The following FCRL5 variants were observed in gnomAD, a reference collection of about 807,000 sequenced individuals.
FCRL5 encodes Fc receptor like 5.
A neutral mutation model predicts 92.1 loss-of-function variants in FCRL5; 79 were observed. The observed-to-expected ratio is 0.86, with a 90% CI of 0.72 to 1.03. The LOEUF (loss-of-function observed/expected upper bound fraction) is 1.03. Ranked by LOEUF, FCRL5 falls within the 50% of genes least tolerant of loss-of-function variation. FCRL5 has a pLI of 0.00. For synonymous variants in FCRL5, 466 were observed against 469.3 expected (o/e 0.99, Z 0.09); for missense variants, 1,160 against 1,181.1 (o/e 0.98, Z 0.26).
rs1291571014 is a variant in FCRL5, at chr1:157,544,361, C to T, written c.745G>A (p.Ala249Thr). 1.9e-6 allele frequency: 3 copies of T among 1,614,200 alleles called. No individual in the cohort carries two copies. Among genetic ancestry groups the T allele is most frequent in the Non-Finnish European group, 8.5e-7 (1 of 1,180,032 alleles). ...WSLSPNFQIT[A>T]MWSKDSGFYW... ...AACCCTGAATCTTTACTCCACATGG[C>T]AGTAATCTGGAAATTCGGGGAGAGA... is the stretch of plus-strand genomic sequence containing the variant. The change falls in exon 5 of 17, where the codon GCC becomes ACC. Residue 249 changes from alanine to threonine, a missense_variant. Coordinates refer to ENST00000361835, the MANE Select transcript of FCRL5 (RefSeq NM_031281.3).
chr1:157,518,979 T>C, intron 13 of FCRL5, 197 bp from the exon 14 acceptor site: 2 of 476,446 alleles, frequency 4.2e-6, no homozygotes, highest in Non-Finnish European at 7.4e-6. Flanking sequence ...TCTGGTCATC[T>C]AGTGTGTAAC....
chr1:157,538,678 A>G (rs1352848449), intron 7 of FCRL5, among the ~76,000 whole-genome samples: 1 of 152,214 alleles, frequency 6.6e-6, no homozygotes, highest in African/African-American at 2.4e-5. Context: ...GCATCTGGTT[A>G]TTCATTGATG....
At chr1:157,529,256 T>G (rs946069432) in intron 8 of FCRL5, among the ~76,000 whole-genome samples, 1 of 152,328 alleles carries the variant, frequency 6.6e-6, no homozygotes, top group East Asian at 1.9e-4. Flanking sequence ...GATACCACCT[T>G]ACTCCTGCAA....
At chr1:157,544,580 T>C (rs780288084) in intron 4 of FCRL5, 34 bp from the exon 5 acceptor site, 12 of 1,605,458 alleles carry the variant, frequency 7.5e-6, no homozygotes, top group East Asian at 4.5e-5. Context: ...CCCAGAGCAA[T>C]GAGGCTGGAA....
At chr1:157,527,164 C>T (rs1355478344) in intron 9 of FCRL5, among the ~76,000 whole-genome samples, 1 of 152,164 alleles carries the variant, frequency 6.6e-6, no homozygotes. Context: ...GGTGGGAACC[C>T]AACCCACTCT....
chr1:157,525,187 A>G (rs555661308), intron 9 of FCRL5, among the ~76,000 whole-genome samples: 1 of 152,240 alleles, frequency 6.6e-6, no homozygotes, highest in Non-Finnish European at 1.5e-5. Flanking sequence ...GTAAATTACA[A>G]TTAAAACTTT....
rs149739953 is a variant in FCRL5, at chr1:157,520,847, C to T, written c.2515+170G>A. The stretch of plus-strand genomic sequence containing the variant: ...GCCCGCCAACCCGCGCTCTCAGCCC[C>T]AACGCCATCACTTCAGAAGCACTTC... On this transcript the variant is annotated intron_variant, in intron 11 of 16. Transcript: ENST00000361835. Among the ~76,000 whole-genome samples the T allele has an allele frequency of 5.1e-4, 78 of 152,366 alleles. 1 individual carries two copies. Among genetic ancestry groups the T allele is most frequent in the Middle Eastern group, 3.4e-3 (1 of 294 alleles).
In FCRL5 at chr1:157,550,484, A is replaced by G. The variant is rs536232003; in HGVS notation, c.32-904T>C. Among the ~76,000 whole-genome samples the G allele has an allele frequency of 5.3e-5, 8 of 152,310 alleles. No individual in the cohort carries two copies. The South Asian group carries it at 1.0e-3, about 20-fold the overall frequency. ...CATCATGCCTAATTTTTAAACAATC[A>G]ACTGATGCTCAGATTATTTAGACCT... On this transcript the variant is annotated intron_variant, in intron 1 of 16. Coordinates refer to ENST00000361835, the MANE Select transcript of FCRL5 (RefSeq NM_031281.3).
intron 7 of FCRL5, among the ~76,000 whole-genome samples, chr1:157,536,226 G>A (rs1484328187): frequency 3.9e-5 from 6 of 152,136 alleles, no homozygotes; most frequent in Non-Finnish European, 8.8e-5. Flanking sequence ...ACAGGCATGA[G>A]CCACCTCTCC....
In FCRL5 at chr1:157,514,197, A is replaced by G. The variant is rs990948941; in HGVS notation, c.*1478T>C. 2.0e-5 allele frequency: 3 copies of G among 152,246 alleles called. No homozygotes were observed. Among genetic ancestry groups the G allele is most frequent in the African/African-American group, 2.4e-5 (1 of 41,462 alleles). The allele number at this position is 152,246 out of a possible 1,614,324, so 9.4% of individuals were successfully genotyped here. A position where few individuals can be genotyped will look rare whatever the true frequency, so the allele number is the denominator to read the frequency against. On this transcript the variant is annotated 3_prime_UTR_variant, in exon 17 of 17. Transcript: ENST00000361835. ...TTCAGGGCCGTGGGGCTTAAAAGTC[A>G]TCACTGTACAATCCACTGGGAGCAA...
intron 8 of FCRL5, 174 bp from the exon 9 acceptor site, chr1:157,528,069 T>C (rs1650520290): frequency 1.5e-6 from 1 of 658,490 alleles, no homozygotes; most frequent in Non-Finnish European, 2.3e-6. Flanking sequence ...TAGGAAACCC[T>C]AAAGACTCAT....
chr1:157,515,279 G>A lies in FCRL5; in HGVS notation c.*396C>T, dbSNP rs151227056. ...AGCAGGAACTCTGTGTCGGAGTTTA[G>A]GAGCACCTGAGCTGTTAGGCCAGCC... On this transcript the variant is annotated 3_prime_UTR_variant, in exon 17 of 17. Coordinates refer to ENST00000361835, the MANE Select transcript of FCRL5 (RefSeq NM_031281.3). 1.7e-5 allele frequency: 5 copies of A among 290,208 alleles called. No homozygotes were observed. The East Asian group carries it at 4.1e-4, about 24-fold the overall frequency. 18.0% of individuals were successfully genotyped at this position (290,208 alleles called of 1,614,324 possible).
chr1:157,541,587 A>T (rs1430607217), intron 6 of FCRL5, among the ~76,000 whole-genome samples: 1 of 152,138 alleles, frequency 6.6e-6, no homozygotes, highest in Non-Finnish European at 1.5e-5. Context: ...GTTCCCACTC[A>T]TCCTCAGGTC....
At position 157,519,779 on chromosome 1, in the gene FCRL5, G is replaced by A; in HGVS notation, c.2633-9C>T. 6.2e-7 allele frequency: 1 copy of A among 1,613,952 alleles called. No homozygotes were observed. The highest frequency in any genetic ancestry group is 8.5e-7 in the Non-Finnish European group (1 of 1,179,948). ...AGAGGCAGGCTTTCTCCCTGTAAAGGAAAGCAGAGGAGCATTGGATTCAGG... is the reference window on the plus strand; with the variant it reads ...AGAGGCAGGCTTTCTCCCTGTAAAGAAAAGCAGAGGAGCATTGGATTCAGG... On this transcript the variant is annotated splice_polypyrimidine_tract_variant and intron_variant, in intron 12 of 16. Coordinates refer to ENST00000361835, the MANE Select transcript of FCRL5 (RefSeq NM_031281.3).
At chr1:157,546,531 CA>C (rs1300448347) in intron 3 of FCRL5, among the ~76,000 whole-genome samples, 1 of 140,024 alleles carries the variant, frequency 7.1e-6, no homozygotes, top group African/African-American at 2.5e-5. Flanking sequence ...AGGAACCACT[CA>C]AATAAATTAA....
chr1:157,549,671 C>A, intron 1 of FCRL5, 91 bp from the exon 2 acceptor site: 1 of 1,134,084 alleles, frequency 8.8e-7, no homozygotes, highest in South Asian at 1.5e-5. Context: ...GCATGTATTA[C>A]TTGTCCCTTT....
intron 14 of FCRL5, 57 bp from the exon 15 acceptor site, chr1:157,518,554 T>G: frequency 6.6e-7 from 1 of 1,516,398 alleles, no homozygotes; most frequent in South Asian, 1.1e-5. Flanking sequence ...TTGTTAGAGA[T>G]ACTTCCTCCT....
rs115306426 is a variant in FCRL5 at position 157,542,901 on chromosome 1, G to A, written c.1081C>T (p.Leu361Phe). Residue 361 changes from leucine to phenylalanine, a missense_variant, in exon 6 of 17, where the codon CTT becomes TTT. Transcript: ENST00000361835. ...GNYYCTADNG[L>F]GAKPSKAVSL... Reference sequence around the variant, plus strand: ...ACAGCCTTACTGGGCTTGGCGCCAAGGCCATTGTCAGCTGTGCAGTAGTAG... The same window carrying A: ...ACAGCCTTACTGGGCTTGGCGCCAAAGCCATTGTCAGCTGTGCAGTAGTAG... 1.2e-3 allele frequency: 1,902 copies of A among 1,613,904 alleles called. 22 individuals are homozygous for A. In the African/African-American group the frequency reaches 0.021, roughly 18 times the overall value.
intron 8 of FCRL5, chr1:157,533,090 C>T (rs376859286): frequency 3.3e-5 from 5 of 152,054 alleles, no homozygotes; most frequent in African/African-American, 1.2e-4. Flanking sequence ...CTTTCTGAGA[C>T]GACTGCTTTT....
Sources: allele counts gnomAD v4.1 joint callset (sites outside exome capture counted in the v4.1 genomes callset), GRCh38; gene constraint gnomAD v4.1.1; transcripts MANE v1.5; gene names NCBI Gene and HGNC (gene_info 2026-07-23, HGNC 2026-07-21).